SLC2A13: variants seen among roughly 807,000 people sequenced by gnomAD.
SLC2A13 encodes proton myo-inositol cotransporter.
SLC2A13 carries 32 observed loss-of-function variants against 64.4 expected under a neutral mutation model. The ratio of observed to expected loss-of-function variants is 0.50; its 90% CI spans 0.37 to 0.67. The LOEUF (loss-of-function observed/expected upper bound fraction) is 0.67, where lower values mean the gene tolerates loss of function less well. Ranked by LOEUF, SLC2A13 falls within the 30% of genes least tolerant of loss-of-function variation. The pLI is 0.00. For synonymous variants in SLC2A13, 338 were observed against 327.1 expected (o/e 1.03, Z -0.36); for missense variants, 743 against 829.2 (o/e 0.90, Z 1.28).
intron 4 of SLC2A13, among the ~76,000 whole-genome samples, chr12:39,880,529 C>G (rs963729903): frequency 6.6e-6 from 1 of 152,112 alleles, no homozygotes; most frequent in African/African-American, 2.4e-5. Flanking sequence ...TTGTATCATA[C>G]TACCATTAAA....
intron 7 of SLC2A13, among the ~76,000 whole-genome samples, chr12:39,812,377 C>CTTTTCTTTTCTTTTCTTTTCTT (rs758920955): frequency 3.4e-5 from 4 of 117,966 alleles, no homozygotes; most frequent in African/African-American, 1.2e-4. Flanking sequence ...CTTTTCTTTT[C>CTTTTCTTTTCTTTTCTTTTCTT]TTTTCTTTCT....
intron 6 of SLC2A13, among the ~76,000 whole-genome samples, chr12:39,852,821 G>A (rs998129662): frequency 3.3e-5 from 5 of 152,104 alleles, no homozygotes; most frequent in African/African-American, 7.2e-5. Context: ...TTTGCATAGC[G>A]GTATAACTTT....
chr12:39,946,642 T>C (rs185360705), intron 4 of SLC2A13, among the ~76,000 whole-genome samples: 1 of 152,074 alleles, frequency 6.6e-6, no homozygotes, highest in African/African-American at 2.4e-5. Context: ...GGGAAGTGGG[T>C]GAAAGCTGGC....
chr12:39,897,019 A>G (rs964038011), intron 4 of SLC2A13, among the ~76,000 whole-genome samples: 5 of 152,188 alleles, frequency 3.3e-5, no homozygotes. Flanking sequence ...ACTGAGGAAG[A>G]GACCAACAAG....
intron 7 of SLC2A13, among the ~76,000 whole-genome samples, chr12:39,781,066 C>A (rs1242097261): frequency 6.6e-6 from 1 of 152,150 alleles, no homozygotes; most frequent in Non-Finnish European, 1.5e-5. Flanking sequence ...AATAGCTTCA[C>A]AGATTAAGCA....
chr12:39,785,174 C>G (rs576542202), intron 7 of SLC2A13, among the ~76,000 whole-genome samples: 1 of 152,252 alleles, frequency 6.6e-6, no homozygotes, highest in South Asian at 2.1e-4. Flanking sequence ...CACAGCAGCC[C>G]CTCCCATCAC....
At chr12:39,770,575 G>A (rs1385256003) in intron 7 of SLC2A13, among the ~76,000 whole-genome samples, 3 of 152,094 alleles carry the variant, frequency 2.0e-5, no homozygotes, top group South Asian at 2.1e-4. Context: ...CTGTGAGATC[G>A]GGGAAAGAAC....
At chr12:40,083,865 T>C (rs1181413566) in intron 1 of SLC2A13, among the ~76,000 whole-genome samples, 2 of 152,210 alleles carry the variant, frequency 1.3e-5, no homozygotes, top group African/African-American at 4.8e-5. Context: ...TTGTTTACTT[T>C]TCAGAATCCT....
chr12:39,814,756 T>C (rs763748542), intron 7 of SLC2A13, among the ~76,000 whole-genome samples: 1 of 152,168 alleles, frequency 6.6e-6, no homozygotes, highest in Non-Finnish European at 1.5e-5. Flanking sequence ...AGAAAGAAAT[T>C]TTAAATTTCA....
At chr12:39,949,703 C>T (rs1946196415) in intron 4 of SLC2A13, 2 of 152,194 alleles carry the variant, frequency 1.3e-5, no homozygotes, top group Admixed American at 6.5e-5. Context: ...TGCTTTTATA[C>T]TTGTCAAGTT....
At chr12:39,926,039 A>G (rs1945723091) in intron 4 of SLC2A13, among the ~76,000 whole-genome samples, 1 of 152,148 alleles carries the variant, frequency 6.6e-6, no homozygotes, top group Admixed American at 6.6e-5. Context: ...TTGGGCACGA[A>G]TTTGGTAAGC....
chr12:39,864,477 C>T (rs1943850549), intron 6 of SLC2A13, among the ~76,000 whole-genome samples: 1 of 152,090 alleles, frequency 6.6e-6, no homozygotes, highest in South Asian at 2.1e-4. Context: ...TTCTGAATTC[C>T]TGCTTAGATT....
At chr12:39,976,584 G>C (rs992939421) in intron 3 of SLC2A13, among the ~76,000 whole-genome samples, 5 of 147,968 alleles carry the variant, frequency 3.4e-5, no homozygotes, top group African/African-American at 1.1e-4. Flanking sequence ...TTTAAAGACT[G>C]GGGGGGTCTC....
At chr12:39,960,094 T>C (rs1010712161) in intron 3 of SLC2A13, among the ~76,000 whole-genome samples, 1 of 152,222 alleles carries the variant, frequency 6.6e-6, no homozygotes, top group Non-Finnish European at 1.5e-5. Context: ...TTTTCCTATA[T>C]GTAAATATAT....
At chr12:39,896,392 GTA>G (rs1271787398) in intron 4 of SLC2A13, among the ~76,000 whole-genome samples, 1 of 134,210 alleles carries the variant, frequency 7.5e-6, no homozygotes, top group Non-Finnish European at 1.6e-5. Context: ...ATGTATATGT[GTA>G]TATATGTATA....
At chr12:39,920,972 C>T (rs935508583) in intron 4 of SLC2A13, among the ~76,000 whole-genome samples, 10 of 152,002 alleles carry the variant, frequency 6.6e-5, no homozygotes, top group African/African-American at 2.2e-4. Flanking sequence ...TGCACATCAG[C>T]GCTGTGTGTA....
intron 4 of SLC2A13, among the ~76,000 whole-genome samples, chr12:39,922,120 TA>T (rs998057541): frequency 1.3e-5 from 2 of 152,078 alleles, no homozygotes; most frequent in Non-Finnish European, 2.9e-5. Flanking sequence ...TACAAACACT[TA>T]AAAAAACCCA....
intron 7 of SLC2A13, among the ~76,000 whole-genome samples, chr12:39,816,662 A>T (rs1399890023): frequency 6.6e-6 from 1 of 151,988 alleles, no homozygotes; most frequent in African/African-American, 2.4e-5. Flanking sequence ...ATTTTAGGGT[A>T]TAAAGGAAAA....
At chr12:40,028,179 A>C in intron 3 of SLC2A13, 122 bp downstream of exon 3, 1 of 448,558 alleles carries the variant, frequency 2.2e-6, no homozygotes. Flanking sequence ...AAATATAAAT[A>C]TCCATATTTA....
Sources: allele counts gnomAD v4.1 joint callset (sites outside exome capture counted in the v4.1 genomes callset), GRCh38; gene constraint gnomAD v4.1.1; transcripts MANE v1.5; gene names NCBI Gene and HGNC (gene_info 2026-07-23, HGNC 2026-07-21).